The following CASZ1 variants were observed in gnomAD, a reference collection of about 807,000 sequenced individuals.
CASZ1 encodes the protein castor zinc finger 1.
In CASZ1, 28 loss-of-function variants were observed where a neutral mutation model predicts 135.2. The observed-to-expected ratio is 0.21, with a 90% CI of 0.15 to 0.28. CASZ1 has a LOEUF of 0.28. Among genes scored for constraint, CASZ1 ranks in the 10% least tolerant of loss-of-function variants. CASZ1 has a pLI of 1.00. For missense variants in CASZ1, 2,161 were observed against 2,453.3 expected (o/e 0.88, Z 2.52); for synonymous variants, 1,068 against 1,073.4 (o/e 0.99, Z 0.10).
chr1:10,742,371 T>C (rs886745114), intron 2 of CASZ1, among the ~76,000 whole-genome samples: 18 of 152,056 alleles, frequency 1.2e-4, no homozygotes, highest in Admixed American at 9.2e-4. Context: ...CTCTAAATGG[T>C]TTTAAAGAGA....
intron 7 of CASZ1, 102 bp downstream of exon 7, chr1:10,658,406 C>T: frequency 1.9e-5 from 18 of 929,106 alleles, no homozygotes; most frequent in Non-Finnish European, 3.1e-5. Context: ...AGGCAGCTAC[C>T]TTGGCCCTAG....
In CASZ1 at chr1:10,762,477, T is replaced by C. The variant is rs1383532809; in HGVS notation, c.-233-1620A>G. On this transcript the variant is annotated intron_variant, in intron 1 of 20. Coordinates refer to ENST00000377022, the MANE Select transcript of CASZ1 (RefSeq NM_001079843.3). The surrounding 1 kb of genome is among the most constrained non-coding windows in gnomAD (Gnocchi z 4.1). ...GGAAACTTCAGGGCCACTGGGAGAC[T>C]CACTCCTCTGGGCTCTGAAACTCCC... Among the ~76,000 whole-genome samples, 1 of 152,062 alleles carries C rather than the reference T, an allele frequency of 6.6e-6. No homozygotes were observed. The highest frequency in any genetic ancestry group is 1.5e-5 in the Non-Finnish European group (1 of 68,016).
rs981429289 is a variant in CASZ1 at position 10,756,444 on chromosome 1, C to T, written c.-77+4257G>A. ...TTGCCAGCAAGGGCAAGTGCTCACG[C>T]GAGCCCGGCAGCCGGCTGTGACAGC... On this transcript the variant is annotated intron_variant, in intron 2 of 20. Transcript: ENST00000377022. This position sits in a 1 kb window ranked among gnomAD's most constrained non-coding sequence, Gnocchi z 5.9. Among the ~76,000 whole-genome samples the T allele has an allele frequency of 5.9e-5, 9 of 152,244 alleles. No individual in the cohort carries two copies. Among genetic ancestry groups the T allele is most frequent in the African/African-American group, 1.2e-4 (5 of 41,464 alleles).
Position 10,759,629 on chromosome 1 carries a change from G to A in CASZ1, c.-77+1072C>T, listed in dbSNP as rs144799846. On this transcript the variant is annotated intron_variant, in intron 2 of 20. Coordinates refer to ENST00000377022, the MANE Select transcript of CASZ1 (RefSeq NM_001079843.3). The surrounding 1 kb of genome is among the most constrained non-coding windows in gnomAD (Gnocchi z 4.2). Reference sequence around the variant, plus strand: ...AGCTTCAGGGACCTACCAAACCCCAGTGCGCACCAAGGCTCCCGTCTCTGC... The same window carrying A: ...AGCTTCAGGGACCTACCAAACCCCAATGCGCACCAAGGCTCCCGTCTCTGC... Among the ~76,000 whole-genome samples the A allele has an allele frequency of 6.6e-6, 1 of 152,246 alleles. No homozygotes were observed. Among genetic ancestry groups the A allele is most frequent in the African/African-American group, 2.4e-5 (1 of 41,554 alleles).
At chr1:10,761,403 A>T (rs1640372236) in intron 1 of CASZ1, among the ~76,000 whole-genome samples, 1 of 152,226 alleles carries the variant, frequency 6.6e-6, no homozygotes, top group Non-Finnish European at 1.5e-5. Flanking sequence ...GCGACCCAGG[A>T]TAGTGAATTT....
Position 10,639,758 on chromosome 1 carries a change from C to A in CASZ1, c.4464G>T (p.Val1488=). The change falls in exon 21 of 21, where the codon GTG becomes GTT. Residue 1488 remains valine (V), a synonymous_variant. Transcript: ENST00000377022. This position sits in a 1 kb window ranked among gnomAD's most constrained non-coding sequence, Gnocchi z 4.0. ...AQHHDRVDNL[V]LDDFKRFKAS... ...CCTTGAAGCGCTTGAAGTCGTCCAGCACCAGGTTGTCCACGCGGTCGTGGT... is the reference window on the plus strand; with the variant it reads ...CCTTGAAGCGCTTGAAGTCGTCCAGAACCAGGTTGTCCACGCGGTCGTGGT... 1 of 1,598,090 alleles carries A rather than the reference C, an allele frequency of 6.3e-7. No homozygotes were observed. The highest frequency in any genetic ancestry group is 8.5e-7 in the Non-Finnish European group (1 of 1,172,964).
At chr1:10,753,427 C>G (rs570590735) in intron 2 of CASZ1, among the ~76,000 whole-genome samples, 1 of 152,260 alleles carries the variant, frequency 6.6e-6, no homozygotes, top group Non-Finnish European at 1.5e-5. Flanking sequence ...TCCCCTCTCA[C>G]TGCACCCCGC....
chr1:10,729,248 G>A (rs1295377271), intron 2 of CASZ1, among the ~76,000 whole-genome samples: 2 of 152,178 alleles, frequency 1.3e-5, no homozygotes, highest in African/African-American at 2.4e-5. Flanking sequence ...CTGCGCTGGC[G>A]CTAATGGGAA....
chr1:10,663,732 C>T (rs976650348), intron 5 of CASZ1, among the ~76,000 whole-genome samples: 5 of 152,244 alleles, frequency 3.3e-5, no homozygotes, highest in African/African-American at 7.2e-5. Flanking sequence ...GCCAAGGCTC[C>T]GCTGTCTGTG....
rs778537851 is a variant in CASZ1 at position 10,788,056 on chromosome 1, G to GT, written c.-234+8507dup. ...TTCAAACATGACCTTGCCTAAGACC[G>GT]TTGCTCAAACATCTTAGAATCCCAG... On this transcript the variant is annotated intron_variant, in intron 1 of 20. Coordinates refer to ENST00000377022, the MANE Select transcript of CASZ1 (RefSeq NM_001079843.3). The surrounding 1 kb of genome is among the most constrained non-coding windows in gnomAD (Gnocchi z 4.1). Among the ~76,000 whole-genome samples the GT allele has an allele frequency of 5.3e-5, 8 of 152,166 alleles. No homozygotes were observed. Among genetic ancestry groups the GT allele is most frequent in the African/African-American group, 4.8e-5 (2 of 41,420 alleles).
chr1:10,796,052 T>TG, intron 1 of CASZ1, among the ~76,000 whole-genome samples: 1 of 131,608 alleles, frequency 7.6e-6, no homozygotes, highest in Non-Finnish European at 1.7e-5. Flanking sequence ...CCTCTGCTGC[T>TG]GGGGGGTGGG....
In CASZ1 at chr1:10,725,822, G is replaced by A. The variant is rs1391989438; in HGVS notation, c.-76-20278C>T. ...TGGGGTGGGGAGGGAATGGCAAGGG[G>A]GGCCTGAAGACAGCAGGGCAGGTGT... On this transcript the variant is annotated intron_variant, in intron 2 of 20. Transcript: ENST00000377022. The surrounding 1 kb of genome is among the most constrained non-coding windows in gnomAD (Gnocchi z 4.4). Among the ~76,000 whole-genome samples the A allele has an allele frequency of 1.3e-5, 2 of 152,000 alleles. No individual in the cohort carries two copies. Among genetic ancestry groups the A allele is most frequent in the African/African-American group, 4.8e-5 (2 of 41,374 alleles).
rs1483582419 is a variant in CASZ1, at chr1:10,646,084, CCTGCCCCCTACT to C, written c.3696+32_3696+43del. The C allele has an allele frequency of 2.5e-6, 4 of 1,594,776 alleles. No homozygotes were observed. Among genetic ancestry groups the C allele is most frequent in the Non-Finnish European group, 3.4e-6 (4 of 1,164,232 alleles). ...GTGCCCTGAGCTAGCCCTGCACCTC[CCTGCCCCCTACT>C]CTGCCCCTGCGCCGTGTACCGCCAT... is the stretch of plus-strand genomic sequence containing the variant. On this transcript the variant is annotated intron_variant, in intron 17 of 20. Coordinates refer to ENST00000377022, the MANE Select transcript of CASZ1 (RefSeq NM_001079843.3). This position sits in a 1 kb window ranked among gnomAD's most constrained non-coding sequence, Gnocchi z 6.4.
chr1:10,707,411 A>C lies in CASZ1; in HGVS notation c.-76-1867T>G, dbSNP rs1639199909. ...GGAGCGCGGGAGACCGGAGCGCTGAACCCAAATCCCTCAGCAGTTGCACTT... is the reference window on the plus strand; with the variant it reads ...GGAGCGCGGGAGACCGGAGCGCTGACCCCAAATCCCTCAGCAGTTGCACTT... On this transcript the variant is annotated intron_variant, in intron 2 of 20. Coordinates refer to ENST00000377022, the MANE Select transcript of CASZ1 (RefSeq NM_001079843.3). This position sits in a 1 kb window ranked among gnomAD's most constrained non-coding sequence, Gnocchi z 5.0. Among the ~76,000 whole-genome samples the C allele has an allele frequency of 6.6e-6, 1 of 152,172 alleles. No individual in the cohort carries two copies. The highest frequency in any genetic ancestry group is 1.5e-5 in the Non-Finnish European group (1 of 68,044).
At chr1:10,781,403 G>A (rs921181482) in intron 1 of CASZ1, among the ~76,000 whole-genome samples, 1 of 152,228 alleles carries the variant, frequency 6.6e-6, no homozygotes, top group Non-Finnish European at 1.5e-5. Flanking sequence ...AGAAGCCAAG[G>A]AGAACCAAGA....
At chr1:10,680,285 T>TGGGGGGGGGG (rs1557500162) in intron 4 of CASZ1, among the ~76,000 whole-genome samples, 1 of 92,672 alleles carries the variant, frequency 1.1e-5, no homozygotes, top group Non-Finnish European at 2.1e-5. Context: ...CGGCGGGGGA[T>TGGGGGGGGGG]GGTGGAGGGG....
chr1:10,792,048 G>A (rs74052504), intron 1 of CASZ1, among the ~76,000 whole-genome samples: 1,615 of 151,348 alleles, frequency 0.011, 31 homozygotes, highest in African/African-American at 0.037. Flanking sequence ...ATAGCAAAGA[G>A]GGAAATAATA....
Position 10,693,692 on chromosome 1 carries a change from TAAC to T in CASZ1, c.16+179_16+181del, listed in dbSNP as rs889438143. ...TCACAGCCTCTAAGCAAGTGGCAAA[TAAC>T]AACAACAACAGCCTCAGAAGTCGCC... is the stretch of plus-strand genomic sequence containing the variant. On this transcript the variant is annotated intron_variant, in intron 4 of 20. Coordinates refer to ENST00000377022, the MANE Select transcript of CASZ1 (RefSeq NM_001079843.3). Among the ~76,000 whole-genome samples, 78 of 151,746 alleles carry T rather than the reference TAAC, an allele frequency of 5.1e-4. 1 individual carries two copies. The highest frequency in any genetic ancestry group is 1.9e-3 in the South Asian group (9 of 4,812).
rs1639012154 is a variant in CASZ1 at position 10,699,374 on chromosome 1, C to T, written c.-23-5462G>A. Among the ~76,000 whole-genome samples the T allele has an allele frequency of 6.6e-6, 1 of 152,190 alleles. No individual in the cohort carries two copies. The highest frequency in any genetic ancestry group is 6.5e-5 in the Admixed American group (1 of 15,280). ...TAGCCCCTCCTCTTCCCCCAACCCC[C>T]ACATCCCACTTACCCTGCTCTAAAA... is the stretch of plus-strand genomic sequence containing the variant. On this transcript the variant is annotated intron_variant, in intron 3 of 20. Transcript: ENST00000377022. The surrounding 1 kb of genome is among the most constrained non-coding windows in gnomAD (Gnocchi z 4.6).
Sources: gnomAD v4.1 joint callset for allele counts (sites outside exome capture counted in the v4.1 genomes callset) on GRCh38, gnomAD v4.1.1 for gene constraint, Gnocchi (gnomAD v3.1) non-coding constraint, MANE v1.5 for transcripts, NCBI Gene and HGNC (gene_info 2026-07-23, HGNC 2026-07-21) for gene names.